Variants in LCORL observed in about 807,000 individuals in gnomAD.
LCORL encodes ligand dependent nuclear receptor corepressor like, also known as ligand-dependent nuclear receptor corepressor-like protein.
A neutral mutation model predicts 141.8 loss-of-function variants in LCORL; 41 were observed. The observed-to-expected ratio is 0.29, with a 90% confidence interval of 0.23 to 0.38. The LOEUF is 0.38. Ranked by LOEUF, LCORL falls within the 10% of genes least tolerant of loss-of-function variation. LCORL has a pLI of 1.00. For synonymous variants in LCORL, 618 were observed against 694.1 expected, an observed-to-expected ratio of 0.89 and a Z score of 1.72; for missense variants, 1,759 against 2,035.0, an observed-to-expected ratio of 0.86 and a Z score of 2.61.
intron 1 of LCORL, among the ~76,000 whole-genome samples, chr4:18,020,367 C>G (rs1002509850): frequency 3.3e-5 from 5 of 152,014 alleles, no homozygotes; most frequent in Non-Finnish European, 5.9e-5. Flanking sequence ...AAGATTCACT[C>G]GCCAGTAGAG....
At chr4:17,900,555 A>AT (rs1294369547) in intron 5 of LCORL, among the ~76,000 whole-genome samples, 20 of 152,222 alleles carry the variant, frequency 1.3e-4, no homozygotes, top group Non-Finnish European at 2.8e-4. Flanking sequence ...TTGCTTAGTG[A>AT]TTCTTTTGTA....
intron 4 of LCORL, among the ~76,000 whole-genome samples, chr4:17,931,728 A>C (rs766882256): frequency 6.6e-6 from 1 of 152,082 alleles, no homozygotes; most frequent in Non-Finnish European, 1.5e-5. Flanking sequence ...TTAATATATA[A>C]AAATTTTTTG....
intron 7 of LCORL, among the ~76,000 whole-genome samples, chr4:17,856,979 T>C (rs1299637956): frequency 1.3e-5 from 2 of 152,198 alleles, no homozygotes; most frequent in African/African-American, 2.4e-5. Flanking sequence ...AGAATAGAGA[T>C]CCTCGTTGTT....
chr4:17,936,570 T>C (rs1022860678), intron 4 of LCORL, among the ~76,000 whole-genome samples: 9 of 152,198 alleles, frequency 5.9e-5, no homozygotes, highest in African/African-American at 2.2e-4. Context: ...TCACATAGTT[T>C]GAAGAAAAAG....
At chr4:17,956,273 G>C (rs921860784) in intron 4 of LCORL, among the ~76,000 whole-genome samples, 6 of 152,052 alleles carry the variant, frequency 3.9e-5, no homozygotes, top group Non-Finnish European at 8.8e-5. Context: ...ACTAAAAATA[G>C]AACTACCATA....
At chr4:17,999,961 T>C (rs1240581144) in intron 1 of LCORL, among the ~76,000 whole-genome samples, 1 of 152,146 alleles carries the variant, frequency 6.6e-6, no homozygotes, top group Non-Finnish European at 1.5e-5. Context: ...ACAATAGCTG[T>C]GGGGTAGAAT....
Position 17,877,206 on chromosome 4 carries a change from AC to A in LCORL, c.1783del (p.Val595Ter). On this transcript the variant is annotated frameshift_variant, in exon 7 of 8. Coordinates refer to ENST00000635767, the Ensembl canonical transcript of LCORL. LOFTEE classifies it high-confidence loss of function. ...TCTTGTCTGAATAATTTTATTTTCT[AC>A]CTTTTTATCATGTTGACTCAATAAT... The A allele has an allele frequency of 1.6e-6, 2 of 1,230,142 alleles. No individual in the cohort carries two copies. Among genetic ancestry groups the A allele is most frequent in the Non-Finnish European group, 2.0e-6 (2 of 986,512 alleles). 76.2% of individuals were successfully genotyped at this position (1,230,142 alleles called of 1,614,324 possible). A position where few individuals can be genotyped will look rare whatever the true frequency, so the allele number is the denominator to read the frequency against.
intron 4 of LCORL, among the ~76,000 whole-genome samples, chr4:17,960,486 C>A (rs1713558168): frequency 6.6e-6 from 1 of 152,102 alleles, no homozygotes; most frequent in South Asian, 2.1e-4. Flanking sequence ...ATGAAACTTA[C>A]TGTGTGCATG....
chr4:18,006,538 T>C (rs1722843259), intron 1 of LCORL, among the ~76,000 whole-genome samples: 1 of 152,066 alleles, frequency 6.6e-6, no homozygotes, highest in African/African-American at 2.4e-5. Flanking sequence ...GACTGGGCAA[T>C]TTACAAAAGA....
chr4:17,939,235 T>C (rs1737410178), intron 4 of LCORL, among the ~76,000 whole-genome samples: 1 of 152,160 alleles, frequency 6.6e-6, no homozygotes, highest in Non-Finnish European at 1.5e-5. Flanking sequence ...GAGATACCAT[T>C]TCACACCCAC....
At chr4:17,976,380 G>A (rs1254470730) in intron 1 of LCORL, among the ~76,000 whole-genome samples, 2 of 152,082 alleles carry the variant, frequency 1.3e-5, no homozygotes, top group East Asian at 3.8e-4. Context: ...GAAGTTTGTA[G>A]TATTCCATTT....
At chr4:17,973,252 A>C (rs1490146684) in intron 1 of LCORL, among the ~76,000 whole-genome samples, 1 of 151,830 alleles carries the variant, frequency 6.6e-6, no homozygotes, top group Non-Finnish European at 1.5e-5. Flanking sequence ...GTTTTAAAAA[A>C]GTAAACATGA....
chr4:17,880,696 T>C, intron 6 of LCORL: 1 of 974,658 alleles, frequency 1.0e-6, no homozygotes, highest in Non-Finnish European at 1.2e-6. Context: ...TTGAAGTGCT[T>C]TACTACAAAT....
At chr4:18,001,236 T>C (rs1397929562) in intron 1 of LCORL, among the ~76,000 whole-genome samples, 1 of 152,130 alleles carries the variant, frequency 6.6e-6, no homozygotes, top group Admixed American at 6.5e-5. Flanking sequence ...ATACTCAAGA[T>C]TATTGTGAGG....
chr4:17,902,990 TTTAAAAAGTA>T (rs959861282), intron 5 of LCORL, among the ~76,000 whole-genome samples: 3 of 152,092 alleles, frequency 2.0e-5, no homozygotes, highest in Non-Finnish European at 2.9e-5. Context: ...CACATGGCAT[TTTAAAAAGTA>T]TTAAAAAGTA....
intron 1 of LCORL, among the ~76,000 whole-genome samples, chr4:18,004,759 A>G (rs905782145): frequency 6.6e-6 from 1 of 152,154 alleles, no homozygotes; most frequent in Non-Finnish European, 1.5e-5. Context: ...CATCTCATCT[A>G]AGGCAAGTCC....
rs756410038 is a variant in LCORL, at chr4:17,909,068, T to C, written c.682+26A>G. Reference sequence around the variant, plus strand: ...TAACGATATAAAACATCAAATTATATATTAAATGCACACAAAAAATCTTAC... The same window carrying C: ...TAACGATATAAAACATCAAATTATACATTAAATGCACACAAAAAATCTTAC... On this transcript the variant is annotated intron_variant, in intron 5 of 7. Transcript: ENST00000635767. 3 of 1,549,630 alleles carry C rather than the reference T, an allele frequency of 1.9e-6. No homozygotes were observed. In the South Asian group the frequency reaches 3.7e-5, roughly 19 times the overall value.
At chr4:17,854,845 A>G (rs1262788735) in intron 7 of LCORL, among the ~76,000 whole-genome samples, 1 of 152,194 alleles carries the variant, frequency 6.6e-6, no homozygotes, top group Non-Finnish European at 1.5e-5. Flanking sequence ...ATGATGGTTA[A>G]GAACCAGACT....
rs2109217618 is a variant in LCORL at position 17,884,312 on chromosome 4, G to A, written c.776+1756C>T. The A allele has an allele frequency of 6.5e-7, 1 of 1,548,972 alleles. No homozygotes were observed. The highest frequency in any genetic ancestry group is 2.4e-5 in the East Asian group (1 of 40,892). On this transcript the variant is annotated intron_variant, in intron 6 of 7. Transcript: ENST00000635767. This position sits in a 1 kb window ranked among gnomAD's most constrained non-coding sequence, Gnocchi z 4.4. ...AATTTTTAACTGTACAGTAGGATTT[G>A]AAGTTTCATATTGGAGGCTTTCATT...
Sources: allele counts gnomAD v4.1 joint callset (sites outside exome capture counted in the v4.1 genomes callset), GRCh38; gene constraint gnomAD v4.1.1; non-coding constraint Gnocchi (gnomAD v3.1); transcripts MANE v1.5; gene names NCBI Gene and HGNC (gene_info 2026-07-23, HGNC 2026-07-21).